GABRB1: variants seen among roughly 807,000 people sequenced by gnomAD.
GABRB1 encodes gamma-aminobutyric acid receptor subunit beta-1.
Under a neutral mutation model 51.6 loss-of-function variants are expected in GABRB1, and 17 were observed. That is an observed-to-expected ratio of 0.33 (90% CI 0.23 to 0.49). GABRB1 has a LOEUF of 0.49. Ranked by LOEUF, GABRB1 falls within the 20% of genes least tolerant of loss-of-function variation. The pLI, the probability that GABRB1 is intolerant of heterozygous loss-of-function variation, is 0.99. For missense variants in GABRB1, 410 were observed against 600.6 expected (o/e 0.68, Z 3.32); for synonymous variants, 247 against 218.9 (o/e 1.13, Z -1.14).
intron 3 of GABRB1, among the ~76,000 whole-genome samples, chr4:47,063,027 C>G (rs908752936): frequency 1.3e-5 from 2 of 152,198 alleles, no homozygotes; most frequent in Non-Finnish European, 2.9e-5. Flanking sequence ...GATTATATCA[C>G]TTCTTACTCA....
intron 4 of GABRB1, among the ~76,000 whole-genome samples, chr4:47,289,133 CATTATTAT>C (rs1394837773): frequency 1.3e-5 from 2 of 151,990 alleles, no homozygotes; most frequent in African/African-American, 4.8e-5. Context: ...CCTGAGGATC[CATTATTAT>C]CTGTGATGAT....
chr4:47,279,083 A>AATGGATGGATGGATGG (rs34567848), intron 4 of GABRB1, among the ~76,000 whole-genome samples: 9 of 147,272 alleles, frequency 6.1e-5, no homozygotes, highest in Non-Finnish European at 4.5e-5. Flanking sequence ...CTTTCTTAGG[A>AATGGATGGATGGATGG]ATGGATGGAT....
chr4:47,022,572 G>A (rs749047187), intron 1 of GABRB1, among the ~76,000 whole-genome samples: 2 of 152,010 alleles, frequency 1.3e-5, no homozygotes, highest in Admixed American at 6.6e-5. Flanking sequence ...AATCACGTCA[G>A]AGAAATGCAA....
intron 5 of GABRB1, among the ~76,000 whole-genome samples, chr4:47,391,518 TTA>T (rs1338350546): frequency 3.9e-5 from 6 of 152,328 alleles, no homozygotes; most frequent in Admixed American, 2.6e-4. Flanking sequence ...TAACTGGTGC[TTA>T]TATGTTTCTC....
intron 3 of GABRB1, among the ~76,000 whole-genome samples, chr4:47,101,290 GT>G (rs1714709706): frequency 6.6e-6 from 1 of 151,956 alleles, no homozygotes; most frequent in South Asian, 2.1e-4. Context: ...AAAATCAAAA[GT>G]TGGTATGCAA....
chr4:47,416,666 G>T (rs891694060), intron 8 of GABRB1, among the ~76,000 whole-genome samples: 3 of 152,126 alleles, frequency 2.0e-5, no homozygotes, highest in East Asian at 3.9e-4. Flanking sequence ...TGGCCAGGCT[G>T]GTTTAGAACT....
At chr4:47,080,362 C>T (rs550008533) in intron 3 of GABRB1, among the ~76,000 whole-genome samples, 93 of 151,240 alleles carry the variant, frequency 6.1e-4, no homozygotes, top group African/African-American at 2.3e-3. Flanking sequence ...AAACATGGCA[C>T]GTGGTGTACA....
At chr4:47,225,203 GA>G (rs1183497532) in intron 4 of GABRB1, among the ~76,000 whole-genome samples, 1 of 152,078 alleles carries the variant, frequency 6.6e-6, no homozygotes, top group Non-Finnish European at 1.5e-5. Context: ...TTGGAGTGTT[GA>G]GGTATTAGTG....
intron 4 of GABRB1, among the ~76,000 whole-genome samples, chr4:47,243,284 C>T (rs1240616584): frequency 6.6e-6 from 1 of 152,176 alleles, no homozygotes; most frequent in Non-Finnish European, 1.5e-5. Flanking sequence ...GTTTTGGTTA[C>T]TGTAGGCTTG....
At chr4:47,196,545 T>TTCCC (rs1719693069) in intron 4 of GABRB1, among the ~76,000 whole-genome samples, 1 of 152,156 alleles carries the variant, frequency 6.6e-6, no homozygotes. Flanking sequence ...GAAAAGATTT[T>TTCCC]TCCCTCCCTG....
chr4:47,222,657 T>C (rs1001988330), intron 4 of GABRB1, among the ~76,000 whole-genome samples: 7 of 152,118 alleles, frequency 4.6e-5, no homozygotes, highest in Admixed American at 1.3e-4. Flanking sequence ...ACATAAGTGA[T>C]TCTAAGCCAC....
At chr4:47,324,510 C>T (rs563777215) in intron 5 of GABRB1, among the ~76,000 whole-genome samples, 38 of 152,252 alleles carry the variant, frequency 2.5e-4, no homozygotes, top group African/African-American at 8.4e-4. Context: ...TCTTTTTCTC[C>T]AAAGTACTTG....
At position 47,181,478 on chromosome 4, in the gene GABRB1, G is replaced by A. The variant is rs528402870; in HGVS notation, c.461+20009G>A. 2.2e-4 allele frequency among the ~76,000 whole-genome samples: 34 copies of A among 152,024 alleles called. No individual in the cohort carries two copies. The South Asian group carries it at 6.0e-3, about 27-fold the overall frequency. ...AAGTCCTTTCAGATGGCAATAGAGC[G>A]AAGTGACAAAGAATGTAGACACTGG... On this transcript the variant is annotated intron_variant, in intron 4 of 8. Coordinates refer to ENST00000295454, the MANE Select transcript of GABRB1 (RefSeq NM_000812.4).
At chr4:47,104,254 G>A (rs1411977790) in intron 3 of GABRB1, among the ~76,000 whole-genome samples, 2 of 151,562 alleles carry the variant, frequency 1.3e-5, no homozygotes, top group Non-Finnish European at 3.0e-5. Context: ...CTAATAAAAA[G>A]TATAATATAG....
At chr4:47,379,345 C>T (rs1727511836) in intron 5 of GABRB1, among the ~76,000 whole-genome samples, 1 of 152,036 alleles carries the variant, frequency 6.6e-6, no homozygotes, top group Non-Finnish European at 1.5e-5. Flanking sequence ...CTTTGAGTAC[C>T]AATACAGCCA....
At position 47,407,075 on chromosome 4, in the gene GABRB1, T is replaced by G. The variant is rs552045101; in HGVS notation, c.1080+149T>G. The G allele has an allele frequency of 4.9e-6, 4 of 820,236 alleles. No homozygotes were observed. In the Admixed American group the frequency reaches 1.1e-4, roughly 23 times the overall value. 50.8% of individuals were successfully genotyped at this position (820,236 alleles called of 1,614,324 possible). On this transcript the variant is annotated intron_variant, in intron 8 of 8. Transcript: ENST00000295454. The stretch of plus-strand genomic sequence containing the variant: ...GCCTTCATTTTACATATTCAGGGAC[T>G]GAGGAATGAAGAAGTTAGATTGAGG...
intron 3 of GABRB1, among the ~76,000 whole-genome samples, chr4:47,056,742 G>C (rs7340993): frequency 1.3e-5 from 2 of 152,130 alleles, no homozygotes; most frequent in African/African-American, 4.8e-5. Flanking sequence ...ATCTTCACTG[G>C]ATGAAACAAA....
chr4:47,184,455 A>G (rs148599664), intron 4 of GABRB1, among the ~76,000 whole-genome samples: 1 of 151,942 alleles, frequency 6.6e-6, no homozygotes, highest in Non-Finnish European at 1.5e-5. Context: ...CCCAAAAAAC[A>G]ATAAAACTTT....
intron 3 of GABRB1, among the ~76,000 whole-genome samples, chr4:47,065,485 A>T (rs1415768219): frequency 1.3e-5 from 2 of 152,252 alleles, no homozygotes; most frequent in African/African-American, 2.4e-5. Context: ...TAAAAACATG[A>T]AGGAAGATAA....
Sources: gnomAD v4.1 joint callset for allele counts (sites outside exome capture counted in the v4.1 genomes callset) on GRCh38, gnomAD v4.1.1 for gene constraint, MANE v1.5 for transcripts, NCBI Gene and HGNC (gene_info 2026-07-23, HGNC 2026-07-21) for gene names.